CALN1: variants seen among roughly 807,000 people sequenced by gnomAD.
CALN1 encodes the protein calneuron 1, also known as calcium-binding protein 8.
CALN1 carries 17 observed loss-of-function variants against 30.6 expected under a neutral mutation model. The ratio of observed to expected loss-of-function variants is 0.56; its 90% CI spans 0.38 to 0.83. CALN1 has a LOEUF of 0.83. Ranked by LOEUF, CALN1 falls within the 40% of genes least tolerant of loss-of-function variation. CALN1 has a pLI of 0.00. For synonymous variants in CALN1, 156 were observed against 131.4 expected (o/e 1.19, Z -1.28); for missense variants, 291 against 354.9 (o/e 0.82, Z 1.45).
chr7:72,200,733 C>T (rs529226528), intron 3 of CALN1, among the ~76,000 whole-genome samples: 1 of 152,228 alleles, frequency 6.6e-6, no homozygotes, highest in African/African-American at 2.4e-5. Context: ...ATGATGATGG[C>T]TGTTTTTCAA....
chr7:72,318,597 G>C (rs890283411), intron 2 of CALN1, among the ~76,000 whole-genome samples: 1 of 151,770 alleles, frequency 6.6e-6, no homozygotes, highest in Non-Finnish European at 1.5e-5. Context: ...CTGGAGTGCA[G>C]TGGTGTGATC....
chr7:72,055,711 A>C (rs919816691), intron 4 of CALN1, among the ~76,000 whole-genome samples: 16 of 152,206 alleles, frequency 1.1e-4, no homozygotes, highest in Non-Finnish European at 2.1e-4. Flanking sequence ...TTGAAAAATT[A>C]CTAGTTTATG....
At chr7:72,404,316 G>C (rs941287601) in intron 1 of CALN1, among the ~76,000 whole-genome samples, 1 of 152,306 alleles carries the variant, frequency 6.6e-6, no homozygotes, top group East Asian at 1.9e-4. Flanking sequence ...TTTAGGCCCA[G>C]GCAGGGACAA....
At chr7:72,487,340 T>A in the CALN1 span, among the ~76,000 whole-genome samples, 2 of 151,956 alleles carry the variant, frequency 1.3e-5, no homozygotes, top group Non-Finnish European at 2.9e-5. Context: ...GACGGGCAGC[T>A]GCTTGTGGGT....
At chr7:71,960,289 G>A (rs1262677405) in intron 5 of CALN1, among the ~76,000 whole-genome samples, 1 of 152,134 alleles carries the variant, frequency 6.6e-6, no homozygotes, top group African/African-American at 2.4e-5. Context: ...AGTGTACACT[G>A]TACCCAATAG....
At chr7:72,040,990 G>A (rs1221658940) in intron 4 of CALN1, among the ~76,000 whole-genome samples, 1 of 152,226 alleles carries the variant, frequency 6.6e-6, no homozygotes, top group Admixed American at 6.5e-5. Context: ...GATAGTGGCA[G>A]CAGAGCTGAT....
At chr7:72,030,919 T>C (rs1389630670) in intron 4 of CALN1, among the ~76,000 whole-genome samples, 6 of 152,000 alleles carry the variant, frequency 3.9e-5, no homozygotes, top group African/African-American at 1.4e-4. Flanking sequence ...GCCAATCTTT[T>C]AAAATTTTTT....
At chr7:71,902,736 C>A (rs1004324963) in intron 5 of CALN1, among the ~76,000 whole-genome samples, 3 of 152,024 alleles carry the variant, frequency 2.0e-5, no homozygotes, top group Admixed American at 1.3e-4. Context: ...CAAAGATGTG[C>A]AATTCATAAA....
intron 3 of CALN1, among the ~76,000 whole-genome samples, chr7:72,252,522 G>C (rs558546996): frequency 2.0e-5 from 3 of 151,708 alleles, no homozygotes; most frequent in African/African-American, 7.3e-5. Flanking sequence ...TGGGAGGACT[G>C]CTTGAGCCCA....
At chr7:72,340,590 G>A (rs1802332962) in intron 2 of CALN1, among the ~76,000 whole-genome samples, 1 of 152,168 alleles carries the variant, frequency 6.6e-6, no homozygotes, top group Non-Finnish European at 1.5e-5. Flanking sequence ...AAACCTTGAT[G>A]CGGATAGCTG....
intron 2 of CALN1, among the ~76,000 whole-genome samples, chr7:72,360,162 T>C (rs1314807082): frequency 1.3e-5 from 2 of 152,058 alleles, no homozygotes; most frequent in Non-Finnish European, 2.9e-5. Flanking sequence ...AACTGGGAAA[T>C]TTGATTTTGG....
intron 3 of CALN1, among the ~76,000 whole-genome samples, chr7:72,200,543 G>A (rs1018183317): frequency 3.9e-5 from 6 of 152,132 alleles, no homozygotes; most frequent in African/African-American, 1.2e-4. Flanking sequence ...ACTTAGAGTA[G>A]CTCCATAACT....
At chr7:71,914,610 T>C (rs994198140) in intron 5 of CALN1, among the ~76,000 whole-genome samples, 2 of 152,186 alleles carry the variant, frequency 1.3e-5, no homozygotes, top group African/African-American at 2.4e-5. Context: ...TTTAGGTCTT[T>C]GAGGAATCAC....
chr7:72,367,786 G>A (rs1435265672), intron 2 of CALN1, among the ~76,000 whole-genome samples: 2 of 152,102 alleles, frequency 1.3e-5, no homozygotes, highest in African/African-American at 2.4e-5. Context: ...AAGAAGCTCC[G>A]ATTGCACCAA....
At chr7:72,499,315 G>A in the CALN1 span, among the ~76,000 whole-genome samples, 1 of 152,158 alleles carries the variant, frequency 6.6e-6, no homozygotes, top group Non-Finnish European at 1.5e-5. Context: ...ACAGGCATGA[G>A]CCACTATGCC....
chr7:71,999,225 A>G (rs1285716733), intron 5 of CALN1, among the ~76,000 whole-genome samples: 1 of 152,244 alleles, frequency 6.6e-6, no homozygotes, highest in East Asian at 1.9e-4. Flanking sequence ...TCACTATTTA[A>G]TAGAAGCAAA....
At chr7:71,893,157 C>A (rs1300504262) in intron 5 of CALN1, among the ~76,000 whole-genome samples, 1 of 152,156 alleles carries the variant, frequency 6.6e-6, no homozygotes, top group Non-Finnish European at 1.5e-5. Flanking sequence ...AAGGATCCTG[C>A]ACCCTCAGGG....
At chr7:72,106,436 G>A (rs1584953811) in intron 3 of CALN1, 142 bp from the exon 4 acceptor site, 2 of 925,018 alleles carry the variant, frequency 2.2e-6, no homozygotes, top group East Asian at 5.4e-5. Context: ...TAAAAGGGAG[G>A]ACAGAAGAAG....
Position 72,057,104 on chromosome 7 carries a change from C to T in CALN1, c.389-33335G>A, listed in dbSNP as rs756137848. On this transcript the variant is annotated intron_variant, in intron 4 of 6. Transcript: ENST00000395275. ...TACAAGCACATGCCACCAAGCCCAC[C>T]TGTTTTTTAAAAAAAAAAAGTTTGT... Among the ~76,000 whole-genome samples the T allele has an allele frequency of 1.1e-3, 80 of 74,992 alleles. 1 individual carries two copies. Among genetic ancestry groups the T allele is most frequent in the Non-Finnish European group, 1.2e-3 (48 of 38,560 alleles). The allele number at this position is 74,992 out of a possible 152,430, so 49.2% of individuals were successfully genotyped here. A position where few individuals can be genotyped will look rare whatever the true frequency, so the allele number is the denominator to read the frequency against.
Sources: allele counts gnomAD v4.1 joint callset (sites outside exome capture counted in the v4.1 genomes callset), GRCh38; gene constraint gnomAD v4.1.1; transcripts MANE v1.5; gene names NCBI Gene and HGNC (gene_info 2026-07-23, HGNC 2026-07-21).